The following NAALADL2 variants were observed in gnomAD, a reference collection of about 807,000 sequenced individuals.
The protein encoded by NAALADL2 is N-acetylated alpha-linked acidic dipeptidase like 2.
A neutral mutation model predicts 87.2 loss-of-function variants in NAALADL2; 76 were observed. That is an observed-to-expected ratio of 0.87 (90% confidence interval 0.72 to 1.05). The LOEUF is 1.05. Among genes scored for constraint, NAALADL2 ranks in the 50% least tolerant of loss-of-function variants. NAALADL2 has a pLI of 0.00. For missense variants in NAALADL2, 1,089 were observed against 945.8 expected (o/e 1.15, Z -1.99); for synonymous variants, 354 against 331.0 (o/e 1.07, Z -0.75).
chr3:174,908,983 G>C (rs146038016), intron 1 of NAALADL2, among the ~76,000 whole-genome samples: 1 of 150,808 alleles, frequency 6.6e-6, no homozygotes, highest in Non-Finnish European at 1.5e-5. Flanking sequence ...TAGACTTAAG[G>C]CATGTCCTTA....
rs780909582 is a variant in NAALADL2 at position 175,803,149 on chromosome 3, T to G, written c.2334T>G (p.Val778=). 6.2e-7 allele frequency: 1 copy of G among 1,612,232 alleles called. No individual in the cohort carries two copies. Residue 778 remains valine (V), a synonymous_variant, in exon 14 of 14, where the codon GTT becomes GTG. Transcript: ENST00000454872. ...EVLNSINSAQ[V]YFKAGLDVFK... ...TGAACAGCATTAATTCAGCTCAGGT[T>G]TACTTCAAAGCAGGACTTGATGTGT...
At chr3:174,482,629 A>G (rs562442661) in intron 1 of NAALADL2, among the ~76,000 whole-genome samples, 1 of 152,188 alleles carries the variant, frequency 6.6e-6, no homozygotes, top group East Asian at 1.9e-4. Flanking sequence ...CTGGATTTAA[A>G]GTCTTGAACT....
intron 9 of NAALADL2, among the ~76,000 whole-genome samples, chr3:175,489,375 T>C (rs750313587): frequency 1.6e-4 from 24 of 152,204 alleles, no homozygotes; most frequent in Non-Finnish European, 2.8e-4. Flanking sequence ...TTCATAGCCA[T>C]GTATAGAATG....
intron 9 of NAALADL2, among the ~76,000 whole-genome samples, chr3:175,539,574 G>A (rs188027245): frequency 6.6e-6 from 1 of 151,840 alleles, no homozygotes; most frequent in East Asian, 1.9e-4. Flanking sequence ...GAGGTCTGGT[G>A]TACAGATTAT....
chr3:174,998,685 TA>T (rs1747849885), intron 1 of NAALADL2, among the ~76,000 whole-genome samples: 1 of 152,164 alleles, frequency 6.6e-6, no homozygotes, highest in Non-Finnish European at 1.5e-5. Flanking sequence ...TTATAGTACC[TA>T]AAAGTGAGCC....
intron 5 of NAALADL2, among the ~76,000 whole-genome samples, chr3:175,380,795 T>C (rs1767696906): frequency 2.0e-5 from 3 of 152,166 alleles, no homozygotes; most frequent in Admixed American, 6.5e-5. Flanking sequence ...TGTCTTTGCC[T>C]ATGACACTTT....
intron 1 of NAALADL2, among the ~76,000 whole-genome samples, chr3:175,024,159 G>T (rs1751923431): frequency 6.6e-6 from 1 of 151,914 alleles, no homozygotes; most frequent in African/African-American, 2.4e-5. Flanking sequence ...GGAAATACAT[G>T]ATTTTTGTAA....
rs547650964 is a variant in NAALADL2, at chr3:175,265,053, CATTTA to C, written c.939+8531_939+8535del. On this transcript the variant is annotated intron_variant, in intron 4 of 13. Coordinates refer to ENST00000454872, the MANE Select transcript of NAALADL2 (RefSeq NM_207015.3). ...TAAACATTCATCGAAAGTCAGCTGA[CATTTA>C]ATTTAATCATATGGAAAGATTTTAT... is the stretch of plus-strand genomic sequence containing the variant. 1.0e-3 allele frequency among the ~76,000 whole-genome samples: 159 copies of C among 151,646 alleles called. 1 individual carries two copies. The highest frequency in any genetic ancestry group is 1.9e-3 in the Non-Finnish European group (126 of 67,602).
chr3:174,808,582 G>C (rs1308273877), intron 3 of NAALADL2, among the ~76,000 whole-genome samples: 2 of 152,062 alleles, frequency 1.3e-5, no homozygotes, highest in Non-Finnish European at 2.9e-5. Flanking sequence ...ATAATAAACT[G>C]TTTGAACATG....
chr3:174,964,712 C>T (rs1252187764), intron 1 of NAALADL2, among the ~76,000 whole-genome samples: 1 of 151,894 alleles, frequency 6.6e-6, no homozygotes, highest in Non-Finnish European at 1.5e-5. Context: ...AGATGGCAGT[C>T]CTCAGTGGCT....
In NAALADL2 at chr3:175,396,327, C is replaced by A. The variant is rs143222194; in HGVS notation, c.1091-50902C>A. Among the ~76,000 whole-genome samples the A allele has an allele frequency of 1.3e-4, 19 of 151,972 alleles. No individual in the cohort carries two copies. In the East Asian group the frequency reaches 3.7e-3, roughly 29 times the overall value. Reference sequence around the variant, plus strand: ...TTCAGTACTGATTTTAATTTAAAAACCAGATTAAAAATTAAAACCATATTA... The same window carrying A: ...TTCAGTACTGATTTTAATTTAAAAAACAGATTAAAAATTAAAACCATATTA... On this transcript the variant is annotated intron_variant, in intron 5 of 13. Transcript: ENST00000454872.
intron 1 of NAALADL2, among the ~76,000 whole-genome samples, chr3:174,466,074 T>C (rs1716514047): frequency 6.6e-6 from 1 of 152,200 alleles, no homozygotes; most frequent in South Asian, 2.1e-4. Context: ...CTTTCTGCTC[T>C]GCATTCTCCT....
intron 3 of NAALADL2, among the ~76,000 whole-genome samples, chr3:174,770,489 T>C (rs1408360810): frequency 3.3e-5 from 5 of 152,154 alleles, no homozygotes; most frequent in African/African-American, 1.2e-4. Flanking sequence ...GAAAAAGCAA[T>C]GCAAAATGCG....
intron 9 of NAALADL2, among the ~76,000 whole-genome samples, chr3:175,524,646 T>C (rs1012350040): frequency 2.0e-5 from 3 of 152,196 alleles, no homozygotes; most frequent in Non-Finnish European, 4.4e-5. Context: ...CAATCATTTT[T>C]GTTTCTTCTA....
intron 1 of NAALADL2, among the ~76,000 whole-genome samples, chr3:174,450,869 C>CAAAAAAAAAAAAAAAAAAAAAA (rs761513802): frequency 1.3e-5 from 1 of 74,896 alleles, no homozygotes; most frequent in African/African-American, 5.0e-5. Flanking sequence ...GACTCTGTCT[C>CAAAAAAAAAAAAAAAAAAAAAA]AAAAAAAAAA....
At chr3:174,830,470 A>G (rs567119615) in intron 3 of NAALADL2, among the ~76,000 whole-genome samples, 3,109 of 152,008 alleles carry the variant, frequency 0.02, 54 homozygotes, top group Middle Eastern at 0.031. Context: ...CCATTGATCT[A>G]TATCTCTGTT....
intron 2 of NAALADL2, among the ~76,000 whole-genome samples, chr3:175,208,201 A>C (rs79709901): frequency 0.17 from 26,070 of 152,038 alleles, 3,635 homozygotes; most frequent in African/African-American, 0.36. Context: ...ATTTATTTCT[A>C]TCCCAAGCTT....
intron 9 of NAALADL2, among the ~76,000 whole-genome samples, chr3:175,571,321 CCT>C (rs1286399048): frequency 9.2e-5 from 14 of 151,924 alleles, no homozygotes; most frequent in African/African-American, 2.9e-4. Flanking sequence ...TGAACTTGCC[CCT>C]GTTATGAACT....
At chr3:174,551,637 C>T (rs1401490888) in intron 2 of NAALADL2, among the ~76,000 whole-genome samples, 2 of 152,126 alleles carry the variant, frequency 1.3e-5, no homozygotes, top group Non-Finnish European at 2.9e-5. Flanking sequence ...TATATTATTT[C>T]GTGATCAGAA....
Sources: allele counts gnomAD v4.1 joint callset (sites outside exome capture counted in the v4.1 genomes callset), GRCh38; gene constraint gnomAD v4.1.1; transcripts MANE v1.5; gene names NCBI Gene and HGNC (gene_info 2026-07-23, HGNC 2026-07-21).